Variants in MID1 observed in about 807,000 individuals in gnomAD.
The protein encoded by MID1 is midline 1, also known as E3 ubiquitin-protein ligase Midline-1.
Under a neutral mutation model 40.4 loss-of-function variants are expected in MID1, and 7 were observed. The observed-to-expected ratio is 0.17, with a 90% confidence interval of 0.10 to 0.33. The LOEUF is 0.33. MID1 is among the 10% of genes least tolerant of loss of function. MID1 has a pLI of 1.00. For synonymous variants in MID1, 229 were observed against 221.2 expected, an observed-to-expected ratio of 1.04 and a Z score of -0.31; for missense variants, 367 against 558.5, an observed-to-expected ratio of 0.66 and a Z score of 3.46.
intron 1 of MID1, among the ~76,000 whole-genome samples, chrX:10,817,700 A>G: frequency 1.1e-5 from 1 of 95,021 alleles, no homozygotes; most frequent in African/African-American, 4.1e-5. Context: ...GCTCACTGCT[A>G]CCTCTGCCTC....
At chrX:10,465,234 C>T (rs1440073334) in intron 7 of MID1, among the ~76,000 whole-genome samples, 8 of 95,205 alleles carry the variant, frequency 8.4e-5, no homozygotes, top group Non-Finnish European at 1.7e-4. Flanking sequence ...CACACACACA[C>T]ACACACACAC....
chrX:10,525,549 C>T (rs760427155), intron 2 of MID1, among the ~76,000 whole-genome samples: 158 of 112,419 alleles, frequency 1.4e-3, no homozygotes, highest in Non-Finnish European at 1.7e-3. Flanking sequence ...TAATTTTTGT[C>T]TGACAGCTCA....
chrX:10,638,150 G>C, intron 1 of MID1, among the ~76,000 whole-genome samples: 1 of 111,808 alleles, frequency 8.9e-6, no homozygotes, highest in Non-Finnish European at 1.9e-5. Flanking sequence ...TGAGGTACCA[G>C]GTTCATCTCA....
At chrX:10,471,585 T>TA (rs1929710528) in intron 6 of MID1, among the ~76,000 whole-genome samples, 1 of 112,173 alleles carries the variant, frequency 8.9e-6, no homozygotes, top group Non-Finnish European at 1.9e-5. Flanking sequence ...TGTCATGTGG[T>TA]ATGACTTGGA....
At chrX:10,535,141 C>T (rs1933195372) in intron 2 of MID1, among the ~76,000 whole-genome samples, 1 of 111,678 alleles carries the variant, frequency 9.0e-6, no homozygotes, top group Admixed American at 9.5e-5. Context: ...TTCTGGCCTA[C>T]ACATGGCAAT....
chrX:10,833,024 G>A (rs2044262862), intron 1 of MID1, among the ~76,000 whole-genome samples: 2 of 112,550 alleles, frequency 1.8e-5, no homozygotes, highest in Admixed American at 9.4e-5. Context: ...AGGCCAGCTC[G>A]GCTTCTATTT....
chrX:10,820,036 CT>C (rs1403759883), intron 1 of MID1, among the ~76,000 whole-genome samples: 1 of 111,807 alleles, frequency 8.9e-6, no homozygotes, highest in Non-Finnish European at 1.9e-5. Context: ...CTCTCATGTT[CT>C]TGAGCAGCCC....
intron 1 of MID1, among the ~76,000 whole-genome samples, chrX:10,707,875 T>C (rs766045074): frequency 8.9e-6 from 1 of 112,880 alleles, no homozygotes; most frequent in Non-Finnish European, 1.9e-5. Context: ...TTTGATTATA[T>C]CAAAAAAGAA....
intron 1 of MID1, among the ~76,000 whole-genome samples, chrX:10,795,193 TG>T (rs1157856829): frequency 1.8e-5 from 2 of 112,389 alleles, no homozygotes; most frequent in Non-Finnish European, 3.8e-5. Flanking sequence ...AAATGTCCCT[TG>T]GAAAGAAAAA....
chrX:10,764,910 C>T (rs758737311), intron 1 of MID1, among the ~76,000 whole-genome samples: 10 of 111,820 alleles, frequency 8.9e-5, no homozygotes, highest in South Asian at 3.7e-4. Context: ...ATTTTTCCCA[C>T]GGACTTTTCT....
At chrX:10,657,622 A>G (rs2042883541) in intron 1 of MID1, among the ~76,000 whole-genome samples, 1 of 112,038 alleles carries the variant, frequency 8.9e-6, no homozygotes, top group African/African-American at 3.2e-5. Flanking sequence ...TGTGGGCATC[A>G]GTCACTTTGC....
At chrX:10,704,716 G>GTGTATATATA (rs1555916204) in intron 1 of MID1, among the ~76,000 whole-genome samples, 12 of 78,095 alleles carry the variant, frequency 1.5e-4, no homozygotes, top group Non-Finnish European at 2.3e-4. Context: ...GTGTGTGTGT[G>GTGTATATATA]TATATATATA....
chrX:10,561,834 C>A (rs142579066), intron 2 of MID1, among the ~76,000 whole-genome samples: 2,071 of 106,710 alleles, frequency 0.019, 273 homozygotes, highest in African/African-American at 0.065. Context: ...AATCTAGAAC[C>A]AGAAATACCA....
intron 2 of MID1, among the ~76,000 whole-genome samples, chrX:10,538,077 T>A (rs2147401815): frequency 9.0e-6 from 1 of 111,445 alleles, no homozygotes; most frequent in South Asian, 3.8e-4. Flanking sequence ...GTTCAAGAAA[T>A]CCTCCTGCCT....
chrX:10,666,074 G>A (rs895760360), intron 1 of MID1, among the ~76,000 whole-genome samples: 3 of 108,708 alleles, frequency 2.8e-5, no homozygotes, highest in Non-Finnish European at 5.7e-5. Flanking sequence ...CGCAAGACAC[G>A]ATGAGAGAGA....
intron 1 of MID1, among the ~76,000 whole-genome samples, chrX:10,737,727 G>A (rs1161034078): frequency 9.1e-6 from 1 of 110,207 alleles, no homozygotes; most frequent in Non-Finnish European, 1.9e-5. Context: ...AGGGAGGAAA[G>A]TGAAGGCTGG....
At chrX:10,609,164 C>G (rs1399702921) in intron 1 of MID1, among the ~76,000 whole-genome samples, 1 of 111,451 alleles carries the variant, frequency 9.0e-6, no homozygotes, top group Admixed American at 9.5e-5. Flanking sequence ...CATACACACA[C>G]ACACACACAC....
chrX:10,803,714 T>G (rs1349562024), intron 1 of MID1, among the ~76,000 whole-genome samples: 1 of 112,007 alleles, frequency 8.9e-6, no homozygotes, highest in African/African-American at 3.2e-5. Flanking sequence ...GAATATGATA[T>G]GGCTAGGTGT....
chrX:10,731,130 C>A (rs1372127500), intron 1 of MID1, among the ~76,000 whole-genome samples: 2 of 111,472 alleles, frequency 1.8e-5, no homozygotes, highest in Non-Finnish European at 3.8e-5. Context: ...GTCTGTTATT[C>A]TCCCAAGAAA....
Sources: allele counts gnomAD v4.1 joint callset (sites outside exome capture counted in the v4.1 genomes callset), GRCh38; gene constraint gnomAD v4.1.1; transcripts MANE v1.5; gene names NCBI Gene and HGNC (gene_info 2026-07-23, HGNC 2026-07-21).